BMERB1: variants seen among roughly 807,000 people sequenced by gnomAD.
BMERB1 encodes the protein bMERB domain-containing protein 1.
Under a neutral mutation model 23.6 loss-of-function variants are expected in BMERB1, and 12 were observed. The observed-to-expected ratio is 0.51, with a 90% CI of 0.33 to 0.82. BMERB1 has a LOEUF of 0.82. Among genes scored for constraint, BMERB1 ranks in the 40% least tolerant of loss-of-function variants. The pLI is 0.03. For missense variants in BMERB1, 247 were observed against 255.4 expected (o/e 0.97, Z 0.22); for synonymous variants, 122 against 96.6 (o/e 1.26, Z -1.54).
At chr16:15,530,823 C>T (rs893295883) in intron 2 of BMERB1, among the ~76,000 whole-genome samples, 3 of 152,046 alleles carry the variant, frequency 2.0e-5, no homozygotes, top group African/African-American at 7.2e-5. Flanking sequence ...TGAAGAGGAA[C>T]CTTCTGCCAT....
chr16:15,443,277 G>A (rs1318092623), intron 1 of BMERB1, among the ~76,000 whole-genome samples: 5 of 151,360 alleles, frequency 3.3e-5, no homozygotes, highest in Non-Finnish European at 7.4e-5. Flanking sequence ...CACAGGCTGG[G>A]TGCGGTGGCT....
rs142354168 is a variant in BMERB1, at chr16:15,441,889, T to C, written c.106+7130T>C. Among the ~76,000 whole-genome samples, 620 of 152,320 alleles carry C rather than the reference T, an allele frequency of 4.1e-3. 6 individuals carry two copies. Among genetic ancestry groups the C allele is most frequent in the African/African-American group, 0.015 (603 of 41,574 alleles). On this transcript the variant is annotated intron_variant, in intron 1 of 5. Coordinates refer to ENST00000300006, the MANE Select transcript of BMERB1 (RefSeq NM_033201.3). ...AATAAGTCCATAGCGGGGCAAGTGATGATCAATGCAAGCAGCATTTGATAT... is the reference window on the plus strand; with the variant it reads ...AATAAGTCCATAGCGGGGCAAGTGACGATCAATGCAAGCAGCATTTGATAT...
In BMERB1 at chr16:15,587,009, A is replaced by C; in HGVS notation, c.*180A>C. The stretch of plus-strand genomic sequence containing the variant: ...CTGGCCACCCTGTACAGAGTGTAGC[A>C]GTAGGGAGTCTCTCACCGTCGCATG... On this transcript the variant is annotated 3_prime_UTR_variant, in exon 6 of 6. Coordinates refer to ENST00000300006, the MANE Select transcript of BMERB1 (RefSeq NM_033201.3). 1 of 575,874 alleles carries C rather than the reference A, an allele frequency of 1.7e-6. No individual in the cohort carries two copies. The highest frequency in any genetic ancestry group is 3.1e-6 in the Non-Finnish European group (1 of 324,734). The allele number at this position is 575,874 out of a possible 1,614,324, so 35.7% of individuals were successfully genotyped here.
chr16:15,502,505 C>T (rs572586630), intron 1 of BMERB1: 2 of 783,548 alleles, frequency 2.6e-6, no homozygotes, highest in South Asian at 1.5e-5. Context: ...TCATTAAAAG[C>T]AACGGGCGGC....
At chr16:15,543,110 C>G (rs1302429942) in intron 2 of BMERB1, among the ~76,000 whole-genome samples, 1 of 152,188 alleles carries the variant, frequency 6.6e-6, no homozygotes, top group East Asian at 1.9e-4. Flanking sequence ...GGAAGTGGCT[C>G]TCAGTGGAAG....
chr16:15,446,106 A>G (rs1338786943), intron 1 of BMERB1, among the ~76,000 whole-genome samples: 1 of 152,174 alleles, frequency 6.6e-6, no homozygotes, highest in African/African-American at 2.4e-5. Flanking sequence ...TAAAAATAAA[A>G]AAGTTAGCTG....
intron 1 of BMERB1, among the ~76,000 whole-genome samples, chr16:15,480,972 G>A (rs1184607575): frequency 1.3e-5 from 2 of 152,252 alleles, no homozygotes; most frequent in East Asian, 1.9e-4. Flanking sequence ...ATGAAGATCT[G>A]TATAAGAGAA....
intron 1 of BMERB1, among the ~76,000 whole-genome samples, chr16:15,440,208 G>A (rs544157899): frequency 3.6e-5 from 5 of 137,502 alleles, no homozygotes; most frequent in Non-Finnish European, 7.5e-5. Flanking sequence ...TTGGACGGCT[G>A]CATTCCAGCC....
intron 3 of BMERB1, among the ~76,000 whole-genome samples, chr16:15,571,953 G>C (rs2030739392): frequency 6.6e-6 from 1 of 152,004 alleles, no homozygotes; most frequent in South Asian, 2.1e-4. Context: ...AAGTCCTTAA[G>C]ATCCTCTGCA....
chr16:15,492,708 CAG>C (rs965167545), intron 1 of BMERB1, among the ~76,000 whole-genome samples: 7 of 151,930 alleles, frequency 4.6e-5, no homozygotes, highest in Admixed American at 3.3e-4. Context: ...TACCTGAGGT[CAG>C]GGGTTTGAGA....
rs1490231589 is a variant in BMERB1, at chr16:15,488,530, A to G, written c.107-26775A>G. Among the ~76,000 whole-genome samples the G allele has an allele frequency of 3.3e-5, 5 of 152,158 alleles. No homozygotes were observed. In the East Asian group the frequency reaches 9.7e-4, roughly 29 times the overall value. Reference sequence around the variant, plus strand: ...CTGCTTCTCATCATGCGTTTCTCTTAAAAGATACATAGTATTTGTGGGGCT... The same window carrying G: ...CTGCTTCTCATCATGCGTTTCTCTTGAAAGATACATAGTATTTGTGGGGCT... On this transcript the variant is annotated intron_variant, in intron 1 of 5. Transcript: ENST00000300006.
intron 2 of BMERB1, among the ~76,000 whole-genome samples, chr16:15,564,155 A>T (rs2030503261): frequency 6.6e-6 from 1 of 152,216 alleles, no homozygotes; most frequent in African/African-American, 2.4e-5. Context: ...TGAGCCAAAT[A>T]AACCTCTTGT....
At chr16:15,569,929 G>T (rs1426565600) in intron 3 of BMERB1, among the ~76,000 whole-genome samples, 1 of 152,160 alleles carries the variant, frequency 6.6e-6, no homozygotes, top group Non-Finnish European at 1.5e-5. Context: ...AGGCAGTTTA[G>T]TTGGTGGAAA....
Position 15,571,979 on chromosome 16 carries a change from C to T in BMERB1, c.304+3923C>T, listed in dbSNP as rs768478354. On this transcript the variant is annotated intron_variant, in intron 3 of 5. Transcript: ENST00000300006. Reference sequence around the variant, plus strand: ...ATCCTCTGCAGAAAAAAGCACAGGCCGGGGATCCTATTGCTGCCTGTGTCT... The same window carrying T: ...ATCCTCTGCAGAAAAAAGCACAGGCTGGGGATCCTATTGCTGCCTGTGTCT... Among the ~76,000 whole-genome samples the T allele has an allele frequency of 3.9e-5, 6 of 152,160 alleles. No individual in the cohort carries two copies. In the East Asian group the frequency reaches 1.2e-3, roughly 29 times the overall value.
chr16:15,449,037 G>A (rs576136711), intron 1 of BMERB1, among the ~76,000 whole-genome samples: 25 of 152,226 alleles, frequency 1.6e-4, no homozygotes, highest in Admixed American at 1.6e-3. Flanking sequence ...ACATTTCAGA[G>A]TAAGTCACGT....
At chr16:15,540,088 A>G (rs2052063922) in intron 2 of BMERB1, among the ~76,000 whole-genome samples, 1 of 152,092 alleles carries the variant, frequency 6.6e-6, no homozygotes, top group Non-Finnish European at 1.5e-5. Flanking sequence ...CCCAGGCTGC[A>G]GTGAGCTGAT....
chr16:15,489,733 T>A (rs1462518284), intron 1 of BMERB1, among the ~76,000 whole-genome samples: 2 of 152,204 alleles, frequency 1.3e-5, no homozygotes, highest in Non-Finnish European at 2.9e-5. Context: ...TGTTGACATT[T>A]ACTCTGCTCC....
At chr16:15,491,743 C>T (rs1049920356) in intron 1 of BMERB1, among the ~76,000 whole-genome samples, 34 of 152,138 alleles carry the variant, frequency 2.2e-4, no homozygotes, top group African/African-American at 8.0e-4. Flanking sequence ...CTTCCCCCTC[C>T]GTCTTCCCAG....
Position 15,481,741 on chromosome 16 carries a change from A to T in BMERB1, c.107-33564A>T, listed in dbSNP as rs187237974. 5.3e-3 allele frequency among the ~76,000 whole-genome samples: 757 copies of T among 142,084 alleles called. 11 individuals are homozygous for T. Among genetic ancestry groups the T allele is most frequent in the African/African-American group, 0.019 (704 of 37,646 alleles). 93.2% of individuals were successfully genotyped at this position (142,084 alleles called of 152,430 possible). A position where few individuals can be genotyped will look rare whatever the true frequency, so the allele number is the denominator to read the frequency against. ...TTCTTTTCTTTCTTTTTTTTTTTTG[A>T]GATGGAGTCTCTCTCTGTCCCTCAG... On this transcript the variant is annotated intron_variant, in intron 1 of 5. Transcript: ENST00000300006.
Sources: gnomAD v4.1 joint callset for allele counts (sites outside exome capture counted in the v4.1 genomes callset) on GRCh38, gnomAD v4.1.1 for gene constraint, MANE v1.5 for transcripts, NCBI Gene and HGNC (gene_info 2026-07-23, HGNC 2026-07-21) for gene names.